Variants in GRM7 observed in about 807,000 individuals in gnomAD.
The protein encoded by GRM7 is glutamate metabotropic receptor 7, also known as metabotropic glutamate receptor 7.
A neutral mutation model predicts 84.5 loss-of-function variants in GRM7; 35 were observed. That is an observed-to-expected ratio of 0.41 (90% CI 0.32 to 0.55). The LOEUF (loss-of-function observed/expected upper bound fraction) is 0.55. GRM7 is among the 20% of genes least tolerant of loss of function. The pLI, the probability that GRM7 is intolerant of heterozygous loss-of-function variation, is 0.19. For synonymous variants in GRM7, 487 were observed against 455.1 expected (o/e 1.07, Z -0.89); for missense variants, 1,003 against 1,194.6 (o/e 0.84, Z 2.36).
intron 7 of GRM7, among the ~76,000 whole-genome samples, chr3:7,574,638 T>C (rs1211997536): frequency 3.3e-5 from 5 of 152,232 alleles, no homozygotes; most frequent in Non-Finnish European, 5.9e-5. Flanking sequence ...CGTACTTGCA[T>C]CCTTGAATGT....
intron 4 of GRM7, among the ~76,000 whole-genome samples, chr3:7,365,673 GCA>G (rs150757188): frequency 2.6e-4 from 29 of 112,234 alleles, no homozygotes; most frequent in African/African-American, 6.0e-4. Flanking sequence ...ATACACACAC[GCA>G]CACACACACA....
intron 2 of GRM7, among the ~76,000 whole-genome samples, chr3:7,235,934 G>A (rs1327548766): frequency 6.6e-6 from 1 of 152,164 alleles, no homozygotes; most frequent in Admixed American, 6.5e-5. Context: ...ACCTTAGACT[G>A]GGTAATTTAC....
intron 2 of GRM7, among the ~76,000 whole-genome samples, chr3:7,153,116 T>C (rs1574966994): frequency 6.8e-6 from 1 of 147,508 alleles, no homozygotes; most frequent in Middle Eastern, 3.6e-3. Context: ...CATTGCCCAG[T>C]AAGCTTGGTA....
chr3:7,660,470 A>G (rs1699391860), intron 8 of GRM7, among the ~76,000 whole-genome samples: 1 of 152,252 alleles, frequency 6.6e-6, no homozygotes, highest in Non-Finnish European at 1.5e-5. Flanking sequence ...ATACATATGA[A>G]AAATTATAAA....
chr3:7,082,086 G>T (rs7634468), intron 1 of GRM7, among the ~76,000 whole-genome samples: 70,269 of 151,898 alleles, frequency 0.46, 17,593 homozygotes, highest in African/African-American at 0.67. Context: ...GGAAGATGAC[G>T]ACACTAAACA....
At chr3:7,468,788 A>T (rs1459093525) in intron 7 of GRM7, among the ~76,000 whole-genome samples, 1 of 152,098 alleles carries the variant, frequency 6.6e-6, no homozygotes, top group African/African-American at 2.4e-5. Flanking sequence ...AGTGTCTGGC[A>T]TTTCCACTGC....
chr3:7,496,579 C>T (rs1699709839), intron 7 of GRM7, among the ~76,000 whole-genome samples: 1 of 152,046 alleles, frequency 6.6e-6, no homozygotes, highest in Non-Finnish European at 1.5e-5. Context: ...CTAAGAAGTA[C>T]ATCATTGCAT....
At chr3:7,667,925 T>C (rs1031251826) in intron 8 of GRM7, among the ~76,000 whole-genome samples, 10 of 151,916 alleles carry the variant, frequency 6.6e-5, no homozygotes, top group African/African-American at 2.4e-4. Context: ...AACCATTTCA[T>C]TTTTCTATTG....
At chr3:7,298,589 C>A in intron 2 of GRM7, 95 bp from the exon 3 acceptor site, 1 of 997,494 alleles carries the variant, frequency 1.0e-6, no homozygotes, top group Non-Finnish European at 1.5e-6. Flanking sequence ...TATTGCATAT[C>A]CGGGATTCAG....
chr3:7,614,254 G>A (rs924986432), intron 8 of GRM7, among the ~76,000 whole-genome samples: 2 of 152,104 alleles, frequency 1.3e-5, no homozygotes, highest in Admixed American at 1.3e-4. Context: ...GACAGAGTGA[G>A]ACTCTGTCTC....
At chr3:7,129,051 G>A (rs1693502430) in intron 1 of GRM7, among the ~76,000 whole-genome samples, 1 of 152,070 alleles carries the variant, frequency 6.6e-6, no homozygotes. Context: ...GATGTTCATA[G>A]CAGAGTTGGT....
At chr3:7,211,882 C>T (rs891932107) in intron 2 of GRM7, among the ~76,000 whole-genome samples, 1 of 152,184 alleles carries the variant, frequency 6.6e-6, no homozygotes, top group African/African-American at 2.4e-5. Context: ...AAAACTTTTT[C>T]ACTTTTGACT....
intron 5 of GRM7, among the ~76,000 whole-genome samples, chr3:7,430,361 A>C (rs1374744335): frequency 6.6e-6 from 1 of 152,226 alleles, no homozygotes; most frequent in Non-Finnish European, 1.5e-5. Context: ...ACAATGGGCC[A>C]GTAGGCATAC....
At chr3:7,200,013 G>T (rs1057359220) in intron 2 of GRM7, among the ~76,000 whole-genome samples, 1 of 152,318 alleles carries the variant, frequency 6.6e-6, no homozygotes, top group South Asian at 2.1e-4. Flanking sequence ...CACCTGGTTG[G>T]TTCCTGGTGA....
chr3:7,591,563 C>T (rs1695781905), intron 8 of GRM7: 1 of 406,502 alleles, frequency 2.5e-6, no homozygotes, highest in Non-Finnish European at 4.8e-6. Flanking sequence ...GAAACTTCCT[C>T]AAAGATAGAG....
intron 1 of GRM7, among the ~76,000 whole-genome samples, chr3:6,929,497 G>A (rs1697422851): frequency 6.6e-6 from 1 of 152,190 alleles, no homozygotes; most frequent in Non-Finnish European, 1.5e-5. Context: ...ACTGCCTGCT[G>A]TATATCACAC....
intron 2 of GRM7, among the ~76,000 whole-genome samples, chr3:7,198,495 G>T (rs1695955745): frequency 6.6e-6 from 1 of 152,014 alleles, no homozygotes; most frequent in South Asian, 2.1e-4. Context: ...GACTTATAAT[G>T]GGGTTATGTC....
intron 2 of GRM7, among the ~76,000 whole-genome samples, chr3:7,189,143 T>C (rs192981394): frequency 1.0e-3 from 153 of 152,338 alleles, no homozygotes; most frequent in Middle Eastern, 3.4e-3. Flanking sequence ...TATATTTATA[T>C]ATTGAGATAC....
chr3:7,469,983 A>C (rs1286393634), intron 7 of GRM7, among the ~76,000 whole-genome samples: 1 of 152,164 alleles, frequency 6.6e-6, no homozygotes, highest in Non-Finnish European at 1.5e-5. Context: ...ACTTATCTTT[A>C]AAAGATCAGA....
Sources: gnomAD v4.1 joint callset for allele counts (sites outside exome capture counted in the v4.1 genomes callset) on GRCh38, gnomAD v4.1.1 for gene constraint, MANE v1.5 for transcripts, NCBI Gene and HGNC (gene_info 2026-07-23, HGNC 2026-07-21) for gene names.